Variants in FLT4 observed in about 807,000 individuals in gnomAD.
FLT4 encodes the protein vascular endothelial growth factor receptor 3.
A neutral mutation model predicts 163.2 loss-of-function variants in FLT4; 30 were observed. The observed-to-expected ratio is 0.18, with a 90% confidence interval of 0.14 to 0.25. The LOEUF (loss-of-function observed/expected upper bound fraction) is 0.25, where lower values mean the gene tolerates loss of function less well. FLT4 is among the 10% of genes least tolerant of loss of function. The pLI, the probability that FLT4 is intolerant of heterozygous loss-of-function variation, is 1.00. For synonymous variants in FLT4, 884 were observed against 789.5 expected (o/e 1.12, Z -2.01); for missense variants, 1,510 against 1,863.8 (o/e 0.81, Z 3.50).
intron 1 of FLT4, among the ~76,000 whole-genome samples, chr5:180,649,162 G>A (rs999292525): frequency 4.0e-5 from 6 of 151,894 alleles, no homozygotes; most frequent in Non-Finnish European, 4.4e-5. Context: ...AAGGATCCGG[G>A]CTCAGCGCGC....
At chr5:180,610,152 G>C (rs1439409466) in intron 27 of FLT4, 127 bp from the exon 28 acceptor site, 7 of 1,359,790 alleles carry the variant, frequency 5.1e-6, no homozygotes, top group South Asian at 3.7e-5. Context: ...AGTATGGATG[G>C]GCCTGGGCCT....
At chr5:180,613,874 G>A (rs1017709477) in intron 24 of FLT4, 194 bp downstream of exon 24, 6 of 656,772 alleles carry the variant, frequency 9.1e-6, no homozygotes, top group Admixed American at 4.2e-5. Context: ...CCACGTTGGA[G>A]GCAAAGTCCT....
At chr5:180,635,865 ATGGG>A (rs202025443) in intron 1 of FLT4, among the ~76,000 whole-genome samples, 11 of 67,110 alleles carry the variant, frequency 1.6e-4, no homozygotes, top group East Asian at 4.3e-4. Flanking sequence ...GTATGGGTGG[ATGGG>A]TGGGTGGATG....
rs773839174 is a variant in FLT4 at position 180,621,839 on chromosome 5, G to T, written c.1723C>A (p.Leu575Ile). Residue 575 changes from leucine to isoleucine, a missense_variant, in exon 13 of 30, where the codon CTC becomes ATC. Leu to Ile is a conservative substitution (Grantham distance 5). Transcript: ENST00000261937. Reference protein sequence around the residue: ...SEELLEGQPVLLSCQADSYKY... With the variant: ...SEELLEGQPVILSCQADSYKY... The stretch of plus-strand genomic sequence containing the variant: ...TAGCTGTCGGCTTGGCAGCTCAGGA[G>T]CACCGGCTGGCCCTCTAGTAGCTCC... The T allele has an allele frequency of 1.2e-6, 2 of 1,613,334 alleles. No individual in the cohort carries two copies.
chr5:180,632,787 CAT>C (rs1020888577), intron 1 of FLT4, among the ~76,000 whole-genome samples: 11 of 152,168 alleles, frequency 7.2e-5, no homozygotes, highest in South Asian at 6.2e-4. Flanking sequence ...TGTGTTCACA[CAT>C]GAGTGTGTAT....
intron 1 of FLT4, among the ~76,000 whole-genome samples, chr5:180,642,027 T>G (rs749440395): frequency 2.6e-5 from 4 of 152,036 alleles, no homozygotes; most frequent in African/African-American, 9.7e-5. Context: ...GCCAACATGG[T>G]GAAACCCCAT....
In FLT4 at chr5:180,621,646, C is replaced by G; in HGVS notation, c.1916G>C (p.Ser639Thr). 6.2e-7 allele frequency: 1 copy of G among 1,607,750 alleles called. No homozygotes were observed. ...GTGCTCGGGCGCGACGCGGGGGATA[C>G]TCAGGCTGAGCGTGGCGTGGCGCGC... is the stretch of plus-strand genomic sequence containing the variant. Reference protein sequence around the residue: ...PGARHATLSLSIPRVAPEHEG... With the variant: ...PGARHATLSLTIPRVAPEHEG... Residue 639 changes from serine to threonine, a missense_variant, in exon 13 of 30, where the codon AGT becomes ACT. This residue lies in a region of FLT4 where 878 missense variants were observed against 1,016.7 expected (regional missense o/e 0.86). Coordinates refer to ENST00000261937, the MANE Select transcript of FLT4 (RefSeq NM_182925.5).
chr5:180,614,688 A>C (rs1002839912), intron 23 of FLT4, among the ~76,000 whole-genome samples: 1 of 147,250 alleles, frequency 6.8e-6, no homozygotes, highest in East Asian at 2.0e-4. Flanking sequence ...CCTGAGGGCC[A>C]GGGCCCTTCT....
chr5:180,606,519 C>A (rs887211181), intron 29 of FLT4, among the ~76,000 whole-genome samples: 1 of 152,208 alleles, frequency 6.6e-6, no homozygotes, highest in African/African-American at 2.4e-5. Context: ...CACGTTTCCA[C>A]GGAGTCTGTC....
chr5:180,618,507 TG>T (rs1423062604), intron 21 of FLT4, among the ~76,000 whole-genome samples: 9 of 152,244 alleles, frequency 5.9e-5, no homozygotes, highest in African/African-American at 2.2e-4. Flanking sequence ...ACTGTTGCTC[TG>T]TGGGGGCCGG....
In FLT4 at chr5:180,603,383, CT is replaced by C; in HGVS notation, c.3900del (p.Gly1301AspfsTer8). The C allele has an allele frequency of 6.2e-7, 1 of 1,613,888 alleles. No homozygotes were observed. The highest frequency in any genetic ancestry group is 8.5e-7 in the Non-Finnish European group (1 of 1,179,924). On this transcript the variant is annotated frameshift_variant, in exon 30 of 30. Transcript: ENST00000261937. LOFTEE classifies it low-confidence loss of function (END_TRUNC). ...RHRQESGFSC[K>X]GPGQNVAVTR... ...GTCACAGCCACATTCTGGCCAGGTCCTTTACAGCTGCCAAGACAGGGAAGGT... is the reference window on the plus strand; with the variant it reads ...GTCACAGCCACATTCTGGCCAGGTCCTTACAGCTGCCAAGACAGGGAAGGT...
At chr5:180,611,890 A>C (rs1162243377) in intron 26 of FLT4, among the ~76,000 whole-genome samples, 1 of 152,162 alleles carries the variant, frequency 6.6e-6, no homozygotes, top group African/African-American at 2.4e-5. Flanking sequence ...GCTCAGCCGG[A>C]TCATCCCTCC....
chr5:180,629,486 C>A, intron 6 of FLT4, 59 bp from the exon 7 acceptor site: 1 of 1,589,326 alleles, frequency 6.3e-7, no homozygotes. Flanking sequence ...GCTACCCCAC[C>A]GAAGGCACAC....
chr5:180,645,999 C>CGGCAGCAG (rs1261507571), intron 1 of FLT4, among the ~76,000 whole-genome samples: 1 of 152,146 alleles, frequency 6.6e-6, no homozygotes, highest in Non-Finnish European at 1.5e-5. Context: ...GAGGAAAATA[C>CGGCAGCAG]GGCAGCAGGA....
At chr5:180,626,358 G>T (rs556206239) in intron 8 of FLT4, 93 bp from the exon 9 acceptor site, 1 of 1,437,852 alleles carries the variant, frequency 7.0e-7, no homozygotes. Flanking sequence ...TTGGGAGGAG[G>T]GAGGGGCTGG....
Position 180,603,358 on chromosome 5 carries a change from G to T in FLT4, c.3926C>A (p.Thr1309Asn), listed in dbSNP as rs1456880702. Reference protein sequence around the residue: ...CKGPGQNVAVTRAHPDSQGRR... With the variant: ...CKGPGQNVAVNRAHPDSQGRR... The stretch of plus-strand genomic sequence containing the variant: ...CCCTTGGGAGTCAGGGTGTGCCCTG[G>T]TCACAGCCACATTCTGGCCAGGTCC... Residue 1309 changes from threonine (T) to asparagine (N), a missense_variant, in exon 30 of 30, where the codon ACC (threonine) becomes AAC (asparagine). Thr to Asn is a moderately conservative substitution (Grantham distance 65). This residue lies in a region of FLT4 where 295 missense variants were observed against 311.0 expected (regional missense o/e 0.95). Transcript: ENST00000261937. 12 of 1,614,108 alleles carry T rather than the reference G, an allele frequency of 7.4e-6. No individual in the cohort carries two copies. The highest frequency in any genetic ancestry group is 1.0e-5 in the Non-Finnish European group (12 of 1,180,014).
At chr5:180,638,011 A>G (rs1286513704) in intron 1 of FLT4, among the ~76,000 whole-genome samples, 2 of 151,998 alleles carry the variant, frequency 1.3e-5, no homozygotes, top group African/African-American at 4.8e-5. Context: ...CGGGGCTCTT[A>G]TGACCTCCAG....
At chr5:180,605,883 G>A (rs1252092566) in intron 29 of FLT4, among the ~76,000 whole-genome samples, 1 of 152,220 alleles carries the variant, frequency 6.6e-6, no homozygotes, top group East Asian at 1.9e-4. Context: ...AGTGGGTACT[G>A]AAGGGGCTGG....
chr5:180,616,790 C>CGTCT (rs1762728067), intron 22 of FLT4, 110 bp downstream of exon 22: 3 of 930,112 alleles, frequency 3.2e-6, no homozygotes, highest in Non-Finnish European at 5.4e-6. Flanking sequence ...GTGGGAGAGA[C>CGTCT]ACTGATGGAC....
Sources: allele counts gnomAD v4.1 joint callset (sites outside exome capture counted in the v4.1 genomes callset), GRCh38; gene constraint gnomAD v4.1.1; regional missense constraint gnomAD v4.1.1; transcripts MANE v1.5; gene names NCBI Gene and HGNC (gene_info 2026-07-23, HGNC 2026-07-21).